The following SETD6 variants were observed in gnomAD, a reference collection of about 807,000 sequenced individuals.
SETD6 encodes the protein N-lysine methyltransferase SETD6.
Under a neutral mutation model 52.7 loss-of-function variants are expected in SETD6, and 67 were observed. The ratio of observed to expected loss-of-function variants is 1.27; its 90% CI spans 1.04 to 1.56. The LOEUF is 1.56. Ranked by LOEUF, SETD6 falls within the 40% of genes most tolerant of loss-of-function variation. The probability of loss-of-function intolerance (pLI) is 0.00; values close to 1 mark genes in which losing one functional copy is unlikely to be tolerated. For missense variants in SETD6, 712 were observed against 607.5 expected (o/e 1.17, Z -1.81); for synonymous variants, 307 against 250.2 (o/e 1.23, Z -2.14).
chr16:58,518,297 T>C lies in SETD6; in HGVS notation c.973+66T>C, dbSNP rs546702078. 720 of 1,605,224 alleles carry C rather than the reference T, an allele frequency of 4.5e-4. 12 individuals carry two copies. In the South Asian group the frequency reaches 7.2e-3, roughly 16 times the overall value. On this transcript the variant is annotated intron_variant, in intron 6 of 7. Coordinates refer to ENST00000219315, the MANE Select transcript of SETD6 (RefSeq NM_001160305.4). ...GTCTATACCCATGCCTCAGGTTAAA[T>C]AGCTTTGCTAAATAGCAGTTGACTT...
Position 58,520,835 on chromosome 16 carries a change from C to CAGAT in SETD6, c.*1808_*1811dup. 1.0e-6 allele frequency: 1 copy of CAGAT among 956,644 alleles called. No individual in the cohort carries two copies. The highest frequency in any genetic ancestry group is 1.6e-5 in the African/African-American group (1 of 62,436). The allele number at this position is 956,644 out of a possible 1,614,324, so 59.3% of individuals were successfully genotyped here. Reference sequence around the variant, plus strand: ...AGGCTGATCCCAACAGTAGTTGGGGCAGATACCCACAAACCAAAGGGCTGG... The same window carrying CAGAT: ...AGGCTGATCCCAACAGTAGTTGGGGCAGATAGATACCCACAAACCAAAGGGCTGG... On this transcript the variant is annotated 3_prime_UTR_variant, in exon 8 of 8. Coordinates refer to ENST00000219315, the MANE Select transcript of SETD6 (RefSeq NM_001160305.4).
At position 58,523,643 on chromosome 16, in the gene SETD6, A is replaced by G; in HGVS notation, c.*4614A>G. On this transcript the variant is annotated 3_prime_UTR_variant, in exon 8 of 8. Coordinates refer to ENST00000219315, the MANE Select transcript of SETD6 (RefSeq NM_001160305.4). ...TAAAGCAGTGGTTCTTGGGACCCCAAAGAGTTCTCATTTCTGTGCGTTTTA... is the reference window on the plus strand; with the variant it reads ...TAAAGCAGTGGTTCTTGGGACCCCAGAGAGTTCTCATTTCTGTGCGTTTTA... 1 of 620,894 alleles carries G rather than the reference A, an allele frequency of 1.6e-6. No homozygotes were observed. Among genetic ancestry groups the G allele is most frequent in the Non-Finnish European group, 2.7e-6 (1 of 366,986 alleles). The allele number at this position is 620,894 out of a possible 1,614,324, so 38.5% of individuals were successfully genotyped here.
At position 58,521,224 on chromosome 16, in the gene SETD6, G is replaced by A; in HGVS notation, c.*2195G>A. 1 of 1,614,120 alleles carries A rather than the reference G, an allele frequency of 6.2e-7. No homozygotes were observed. Among genetic ancestry groups the A allele is most frequent in the Non-Finnish European group, 8.5e-7 (1 of 1,180,028 alleles). On this transcript the variant is annotated 3_prime_UTR_variant, in exon 8 of 8. Coordinates refer to ENST00000219315, the MANE Select transcript of SETD6 (RefSeq NM_001160305.4). The stretch of plus-strand genomic sequence containing the variant: ...CACAGTGTACAAATTCATGGTTCCA[G>A]AACTTAAACGCTGGGTTTTTAATCA...
intron 1 of SETD6, 64 bp downstream of exon 1, chr16:58,515,628 C>A: frequency 7.0e-7 from 1 of 1,435,554 alleles, no homozygotes; most frequent in Non-Finnish European, 9.1e-7. Context: ...GTTCGCAGAA[C>A]CGTCCGCCTG....
In SETD6 at chr16:58,523,712, AT is replaced by A. The variant is rs2151890825; in HGVS notation, c.*4688del. The A allele has an allele frequency of 4.7e-6, 2 of 429,392 alleles. No homozygotes were observed. The highest frequency in any genetic ancestry group is 3.7e-5 in the Admixed American group (1 of 27,034). 26.6% of individuals were successfully genotyped at this position (429,392 alleles called of 1,614,324 possible). Reference sequence around the variant, plus strand: ...TAGAAATTAGATTTTAAAAATATTCATTTTTAAAAACAGACCCACTATGTGC... The same window carrying A: ...TAGAAATTAGATTTTAAAAATATTCATTTTAAAAACAGACCCACTATGTGC... On this transcript the variant is annotated 3_prime_UTR_variant, in exon 8 of 8. Transcript: ENST00000219315.
chr16:58,523,178 G>T lies in SETD6; in HGVS notation c.*4149G>T. On this transcript the variant is annotated 3_prime_UTR_variant, in exon 8 of 8. Transcript: ENST00000219315. ...GAGAATCGCTTGAACCTGGGAGGCGGAGGTTGCAGTGAGCCAAGATGGCGC... is the reference window on the plus strand; with the variant it reads ...GAGAATCGCTTGAACCTGGGAGGCGTAGGTTGCAGTGAGCCAAGATGGCGC... 2.5e-6 allele frequency: 1 copy of T among 405,384 alleles called. No homozygotes were observed. Among genetic ancestry groups the T allele is most frequent in the Non-Finnish European group, 4.2e-6 (1 of 237,206 alleles). The allele number at this position is 405,384 out of a possible 1,614,324, so 25.1% of individuals were successfully genotyped here. A position where few individuals can be genotyped will look rare whatever the true frequency, so the allele number is the denominator to read the frequency against.
chr16:58,519,155 C>CAA lies in SETD6; in HGVS notation c.*128_*129dup. ...TACTAAACACCAAGAGGAAAAGTAG[C>CAA]AAAGTTGGTGTGCTAGGATTAACTC... is the stretch of plus-strand genomic sequence containing the variant. On this transcript the variant is annotated 3_prime_UTR_variant, in exon 8 of 8. Transcript: ENST00000219315. 2.0e-6 allele frequency: 2 copies of CAA among 983,070 alleles called. No homozygotes were observed. Among genetic ancestry groups the CAA allele is most frequent in the Non-Finnish European group, 2.9e-6 (2 of 687,218 alleles). The allele number at this position is 983,070 out of a possible 1,614,324, so 60.9% of individuals were successfully genotyped here.
Position 58,523,614 on chromosome 16 carries a change from G to C in SETD6, c.*4585G>C. On this transcript the variant is annotated 3_prime_UTR_variant, in exon 8 of 8. Transcript: ENST00000219315. ...GACAGAGGCTTTCAAATTAATCTTT[G>C]GTTTAAAGCAGTGGTTCTTGGGACC... 1 of 969,092 alleles carries C rather than the reference G, an allele frequency of 1.0e-6. No homozygotes were observed. Among genetic ancestry groups the C allele is most frequent in the Non-Finnish European group, 1.5e-6 (1 of 664,268 alleles). 60.0% of individuals were successfully genotyped at this position (969,092 alleles called of 1,614,324 possible).
At chr16:58,516,969 C>G (rs777052098) in intron 5 of SETD6, 41 bp downstream of exon 5, 1 of 1,613,938 alleles carries the variant, frequency 6.2e-7, no homozygotes, top group South Asian at 1.1e-5. Flanking sequence ...GAGCATGATT[C>G]AAGCCATTGT....
intron 5 of SETD6, 86 bp from the exon 6 acceptor site, chr16:58,517,965 C>G (rs1007506624): frequency 5.2e-6 from 8 of 1,549,306 alleles, no homozygotes; most frequent in African/African-American, 1.4e-5. Context: ...TGAACTACAC[C>G]TGCTGAAGGC....
rs749612539 is a variant in SETD6, at chr16:58,516,488, G to C, written c.487G>C (p.Glu163Gln). 6.4e-5 allele frequency: 103 copies of C among 1,613,888 alleles called. No individual in the cohort carries two copies. In the Middle Eastern group the frequency reaches 9.9e-4, roughly 15 times the overall value. ...LEHPMFWPEE[E>Q]RRCLLQGTGV... ...TGGGTGTCCCTGCAGGCCAGAGGAGGAGCGCCGGTGCCTGCTCCAGGGCAC... is the reference window on the plus strand; with the variant it reads ...TGGGTGTCCCTGCAGGCCAGAGGAGCAGCGCCGGTGCCTGCTCCAGGGCAC... Residue 163 changes from glutamate (E) to glutamine (Q), a missense_variant, in exon 4 of 8, where the codon GAG becomes CAG. Transcript: ENST00000219315.
rs2039385663 is a variant in SETD6, at chr16:58,521,796, A to G, written c.*2767A>G. Among the ~76,000 whole-genome samples the G allele has an allele frequency of 6.6e-6, 1 of 151,872 alleles. No homozygotes were observed. The highest frequency in any genetic ancestry group is 1.5e-5 in the Non-Finnish European group (1 of 68,006). ...GTGAAACCCCATCTCTGCTACAAAT[A>G]TAAAAATTAGTCAGACATGGTGGCC... On this transcript the variant is annotated 3_prime_UTR_variant, in exon 8 of 8. Coordinates refer to ENST00000219315, the MANE Select transcript of SETD6 (RefSeq NM_001160305.4).
Position 58,518,172 on chromosome 16 carries a change from A to C in SETD6, c.914A>C (p.Asp305Ala), listed in dbSNP as rs1398670312. 6.2e-7 allele frequency: 1 copy of C among 1,614,228 alleles called. No homozygotes were observed. The highest frequency in any genetic ancestry group is 8.5e-7 in the Non-Finnish European group (1 of 1,180,038). Residue 305 changes from aspartate (D) to alanine (A), a missense_variant, in exon 6 of 8, where the codon GAC (aspartate) becomes GCC (alanine). By Grantham distance (126) the Asp-to-Ala change is moderately radical (BLOSUM62 -2). Transcript: ENST00000219315. The stretch of plus-strand genomic sequence containing the variant: ...TACGGTTTTGTTGAACCATATCCTG[A>C]CAACACAGATGACACAGCTGACATT... ...HMYGFVEPYP[D>A]NTDDTADIQM...
Position 58,515,993 on chromosome 16 carries a change from T to C in SETD6, c.230T>C (p.Met77Thr). Residue 77 changes from methionine (M) to threonine (T), a missense_variant, in exon 2 of 8, where the codon ATG becomes ACG. Transcript: ENST00000219315. ...SRQGTVAGYG[M>T]VARESVQAGE... Reference sequence around the variant, plus strand: ...CAGGGCACGGTGGCCGGCTACGGCATGGTGGCCCGGGAGAGCGTGCAGGCC... The same window carrying C: ...CAGGGCACGGTGGCCGGCTACGGCACGGTGGCCCGGGAGAGCGTGCAGGCC... 3 of 1,542,640 alleles carry C rather than the reference T, an allele frequency of 1.9e-6. No individual in the cohort carries two copies. Among genetic ancestry groups the C allele is most frequent in the South Asian group, 1.2e-5 (1 of 83,780 alleles).
rs2039488087 is a variant in SETD6, at chr16:58,523,809, A to C, written c.*4780A>C. ...GTCTTTCTACATTTTGCAGATCTCTAAGTCTTGCTTAATAAAAGACAGCTG... is the reference window on the plus strand; with the variant it reads ...GTCTTTCTACATTTTGCAGATCTCTCAGTCTTGCTTAATAAAAGACAGCTG... On this transcript the variant is annotated 3_prime_UTR_variant, in exon 8 of 8. Coordinates refer to ENST00000219315, the MANE Select transcript of SETD6 (RefSeq NM_001160305.4). The C allele has an allele frequency of 8.8e-6, 2 of 226,786 alleles. No individual in the cohort carries two copies. Among genetic ancestry groups the C allele is most frequent in the Non-Finnish European group, 1.7e-5 (2 of 114,514 alleles). 14.0% of individuals were successfully genotyped at this position (226,786 alleles called of 1,614,324 possible).
rs777053025 is a variant in SETD6, at chr16:58,523,519, C to G, written c.*4490C>G. The G allele has an allele frequency of 6.2e-7, 1 of 1,613,232 alleles. No individual in the cohort carries two copies. Among genetic ancestry groups the G allele is most frequent in the Non-Finnish European group, 8.5e-7 (1 of 1,179,520 alleles). On this transcript the variant is annotated 3_prime_UTR_variant, in exon 8 of 8. Coordinates refer to ENST00000219315, the MANE Select transcript of SETD6 (RefSeq NM_001160305.4). ...GATAGCGACCTAGAAATTAAGAAAC[C>G]TTGACTTAGGACTTAGTCTGAAAGG...
Position 58,523,343 on chromosome 16 carries a change from C to T in SETD6, c.*4314C>T, listed in dbSNP as rs1179229914. ...TGAAAGGGAGGAGATCCTTTTGAAGCATTTAAAAAATAAGCTGCTCGCTTA... is the reference window on the plus strand; with the variant it reads ...TGAAAGGGAGGAGATCCTTTTGAAGTATTTAAAAAATAAGCTGCTCGCTTA... On this transcript the variant is annotated 3_prime_UTR_variant, in exon 8 of 8. Coordinates refer to ENST00000219315, the MANE Select transcript of SETD6 (RefSeq NM_001160305.4). 1.9e-6 allele frequency: 3 copies of T among 1,553,450 alleles called. No individual in the cohort carries two copies. Among genetic ancestry groups the T allele is most frequent in the Non-Finnish European group, 2.6e-6 (3 of 1,149,466 alleles).
At position 58,516,200 on chromosome 16, in the gene SETD6, A is replaced by G. The variant is rs756026752; in HGVS notation, c.335-2A>G. 3 of 1,582,712 alleles carry G rather than the reference A, an allele frequency of 1.9e-6. No individual in the cohort carries two copies. The highest frequency in any genetic ancestry group is 2.2e-5 in the South Asian group (2 of 89,852). On this transcript the variant is annotated splice_acceptor_variant, in intron 2 of 7. Coordinates refer to ENST00000219315, the MANE Select transcript of SETD6 (RefSeq NM_001160305.4). LOFTEE classifies it high-confidence loss of function. ...GGGCGCTCACACCTGTGTCTTCCTC[A>G]GAGCGAGTTGCGCTGCAGAGCCAGT...
rs961760335 is a variant in SETD6, at chr16:58,520,217, T to TA, written c.*1190dup. The stretch of plus-strand genomic sequence containing the variant: ...CCCTTTCCTATATTCCCACTGTTTT[T>TA]AAGTTTCAGGAGAGGATTGGGGGGG... On this transcript the variant is annotated 3_prime_UTR_variant, in exon 8 of 8. Transcript: ENST00000219315. 1.4e-5 allele frequency: 2 copies of TA among 147,526 alleles called. No individual in the cohort carries two copies. Among genetic ancestry groups the TA allele is most frequent in the African/African-American group, 5.1e-5 (2 of 39,370 alleles). 9.1% of individuals were successfully genotyped at this position (147,526 alleles called of 1,614,324 possible).
Sources: gnomAD v4.1 joint callset for allele counts (sites outside exome capture counted in the v4.1 genomes callset) on GRCh38, gnomAD v4.1.1 for gene constraint, MANE v1.5 for transcripts, NCBI Gene and HGNC (gene_info 2026-07-23, HGNC 2026-07-21) for gene names.